The following MCF2 variants were observed in gnomAD, a reference collection of about 807,000 sequenced individuals.
MCF2 encodes proto-oncogene DBL.
MCF2 carries 44 observed loss-of-function variants against 82.5 expected under a neutral mutation model. That is an observed-to-expected ratio of 0.53 (90% confidence interval 0.42 to 0.69). The LOEUF (loss-of-function observed/expected upper bound fraction) is 0.69. Ranked by LOEUF, MCF2 falls within the 30% of genes least tolerant of loss-of-function variation. The pLI is 0.00. For missense variants in MCF2, 623 were observed against 663.1 expected, an observed-to-expected ratio of 0.94 and a Z score of 0.66; for synonymous variants, 217 against 224.9, an observed-to-expected ratio of 0.96 and a Z score of 0.32.
In MCF2 at chrX:139,604,601, G is replaced by A. The variant is rs962855859; in HGVS notation, c.1743+80C>T. ...CATAAAGACATAAAGTACCTATCTTGTCTCCAAATCTGTTCTTATAAGTGA... is the reference window on the plus strand; with the variant it reads ...CATAAAGACATAAAGTACCTATCTTATCTCCAAATCTGTTCTTATAAGTGA... On this transcript the variant is annotated intron_variant, in intron 15 of 24. Transcript: ENST00000370576. 29 of 607,740 alleles carry A rather than the reference G, an allele frequency of 4.8e-5. No individual in the cohort carries two copies. The African/African-American group carries it at 6.5e-4, about 14-fold the overall frequency. The allele number at this position is 607,740 out of a possible 1,213,427, so 50.1% of individuals were successfully genotyped here. A position where few individuals can be genotyped will look rare whatever the true frequency, so the allele number is the denominator to read the frequency against.
intron 1 of MCF2, among the ~76,000 whole-genome samples, chrX:139,660,637 A>G (rs1426710403): frequency 1.8e-5 from 2 of 112,634 alleles, no homozygotes; most frequent in African/African-American, 6.4e-5. Flanking sequence ...ATAAAAGGGT[A>G]ATTCTGAAAC....
Position 139,606,380 on chromosome X carries a change from C to T in MCF2, c.1491-601G>A, listed in dbSNP as rs748456924. Among the ~76,000 whole-genome samples, 5 of 110,268 alleles carry T rather than the reference C, an allele frequency of 4.5e-5. No individual in the cohort carries two copies. The South Asian group carries it at 1.6e-3, about 35-fold the overall frequency. ...AATGTATATAAATATATTTTTGAGA[C>T]GGAATCTCACTCTGTCACCCAGGCT... On this transcript the variant is annotated intron_variant, in intron 12 of 24. Transcript: ENST00000370576.
At chrX:139,603,693 G>T (rs5907588) in intron 15 of MCF2, among the ~76,000 whole-genome samples, 42,862 of 109,543 alleles carry the variant, frequency 0.39, 6,961 homozygotes, top group Middle Eastern at 0.54. Flanking sequence ...AAATTAGCTG[G>T]GCGTGGTGGT....
At position 139,676,222 on chromosome X, in the gene MCF2, G is replaced by A. The variant is rs189809623; in HGVS notation, c.-44-24434C>T. On this transcript the variant is annotated intron_variant, in intron 1 of 27. Coordinates refer to the MCF2 transcript ENST00000414978. ...GGAGTGTCCCATTTTTCCAGGTGCC[G>A]TCTATCACGGCTTCCCTTGGCTAGG... 1.3e-3 allele frequency among the ~76,000 whole-genome samples: 145 copies of A among 112,144 alleles called. 1 individual carries two copies. Among genetic ancestry groups the A allele is most frequent in the East Asian group, 6.3e-3 (22 of 3,520 alleles).
chrX:139,611,767 T>G (rs1230502101), intron 10 of MCF2, among the ~76,000 whole-genome samples: 4 of 111,024 alleles, frequency 3.6e-5, no homozygotes, highest in Non-Finnish European at 7.5e-5. Flanking sequence ...GTACTTGTTA[T>G]CACACAGCAT....
intron 5 of MCF2, 115 bp from the exon 9 acceptor site, chrX:139,626,422 T>C (rs1216710707): frequency 5.2e-6 from 3 of 575,955 alleles, no homozygotes; most frequent in Non-Finnish European, 5.6e-6. Context: ...CCATGACACT[T>C]GGTTCTACCT....
intron 1 of MCF2, among the ~76,000 whole-genome samples, chrX:139,653,210 A>G (rs1934090777): frequency 8.9e-6 from 1 of 112,129 alleles, no homozygotes; most frequent in Admixed American, 9.5e-5. Context: ...ATTTTCAGGC[A>G]TGGAGCCATG....
At chrX:139,595,836 T>C (rs1253224950) in intron 19 of MCF2, among the ~76,000 whole-genome samples, 1 of 111,722 alleles carries the variant, frequency 9.0e-6, no homozygotes, top group Non-Finnish European at 1.9e-5. Context: ...TCATGTGAAT[T>C]GGAAGTTCTT....
At chrX:139,595,009 A>G (rs1013425982) in intron 19 of MCF2, among the ~76,000 whole-genome samples, 1 of 110,977 alleles carries the variant, frequency 9.0e-6, no homozygotes, top group African/African-American at 3.3e-5. Flanking sequence ...GAGAAATGCA[A>G]ATCAAAACCA....
intron 1 of MCF2, among the ~76,000 whole-genome samples, chrX:139,689,709 AC>A (rs1310726630): frequency 9.3e-6 from 1 of 107,867 alleles, no homozygotes; most frequent in African/African-American, 3.4e-5. Flanking sequence ...TTCAATCCCC[AC>A]CCGCTGTCCA....
At chrX:139,592,717 G>A (rs1569343725) in intron 19 of MCF2, among the ~76,000 whole-genome samples, 1 of 111,709 alleles carries the variant, frequency 9.0e-6, no homozygotes, top group Non-Finnish European at 1.9e-5. Context: ...AGGAGCAACT[G>A]GCCCTTTGTG....
chrX:139,597,549 C>A (rs1399946815), exon 18 of MCF2: 1 of 1,168,273 alleles, frequency 8.6e-7, no homozygotes, highest in South Asian at 1.8e-5. Context: ...TTCAACAGAG[C>A]AGATCCTTCA....
At chrX:139,698,657 C>T (rs986643424) in intron 1 of MCF2, among the ~76,000 whole-genome samples, 7 of 111,652 alleles carry the variant, frequency 6.3e-5, no homozygotes, top group Admixed American at 1.9e-4. Flanking sequence ...AATAGACTCA[C>T]GCTAAGGTCC....
At chrX:139,629,769 T>A (rs1324242479) in exon 4 of MCF2, 17 of 1,207,746 alleles carry the variant, frequency 1.4e-5, no homozygotes, top group Non-Finnish European at 1.7e-5. Flanking sequence ...GGTAGTTCTG[T>A]CTCAGCCAGT....
At chrX:139,617,098 ATT>A (rs1931971238) in intron 8 of MCF2, among the ~76,000 whole-genome samples, 1 of 111,310 alleles carries the variant, frequency 9.0e-6, no homozygotes, top group Non-Finnish European at 1.9e-5. Flanking sequence ...TTAATATTTT[ATT>A]TCTGTACTAT....
At chrX:139,590,468 T>TAA (rs754962395) in intron 19 of MCF2, among the ~76,000 whole-genome samples, 1,620 of 104,918 alleles carry the variant, frequency 0.015, 21 homozygotes, top group East Asian at 0.076. Context: ...TTGGCCTTTC[T>TAA]AAAAAAAAAA....
chrX:139,690,338 GTT>G (rs145515088), intron 1 of MCF2, among the ~76,000 whole-genome samples: 4 of 75,751 alleles, frequency 5.3e-5, no homozygotes, highest in Admixed American at 1.7e-4. Context: ...CTCCAAAGGA[GTT>G]TTTTTTTTTT....
intron 8 of MCF2, among the ~76,000 whole-genome samples, chrX:139,616,905 C>G (rs187950231): frequency 9.0e-6 from 1 of 111,662 alleles, no homozygotes; most frequent in African/African-American, 3.2e-5. Context: ...AATAAAGTTT[C>G]CTTCCCAAAG....
chrX:139,586,529 TTTACA>T, intron 22 of MCF2, 42 bp from the exon 27 acceptor site: 1 of 927,662 alleles, frequency 1.1e-6, no homozygotes, highest in Non-Finnish European at 1.5e-6. Flanking sequence ...TTTTGTACAG[TTTACA>T]AGTAAAAAGA....
Sources: allele counts gnomAD v4.1 joint callset (sites outside exome capture counted in the v4.1 genomes callset), GRCh38; gene constraint gnomAD v4.1.1; transcripts MANE v1.5; gene names NCBI Gene and HGNC (gene_info 2026-07-23, HGNC 2026-07-21).